Variants in MAF observed in about 807,000 individuals in gnomAD.
MAF encodes transcription factor Maf.
A neutral mutation model predicts 22.0 loss-of-function variants in MAF; 10 were observed. The observed-to-expected ratio is 0.45, with a 90% CI of 0.28 to 0.77. MAF has a LOEUF of 0.77. MAF is among the 30% of genes least tolerant of loss of function. The pLI, the probability that MAF is intolerant of heterozygous loss-of-function variation, is 0.12. For missense variants in MAF, 544 were observed against 548.4 expected, an observed-to-expected ratio of 0.99 and a Z score of 0.08; for synonymous variants, 337 against 255.8, an observed-to-expected ratio of 1.32 and a Z score of -3.03.
chr16:79,368,715 G>A, the MAF span, among the ~76,000 whole-genome samples: 30 of 152,176 alleles, frequency 2.0e-4, no homozygotes, highest in African/African-American at 7.2e-4. Context: ...TATATTTCTG[G>A]AATGTGTTGC....
the MAF span, among the ~76,000 whole-genome samples, chr16:79,260,546 G>C: frequency 1.6e-3 from 245 of 150,670 alleles, 1 homozygote; most frequent in Non-Finnish European, 2.7e-3. Flanking sequence ...AACACTATGA[G>C]AGCAGGGATT....
the MAF span, among the ~76,000 whole-genome samples, chr16:79,545,369 T>G: frequency 6.6e-6 from 1 of 152,014 alleles, no homozygotes. Flanking sequence ...AAAACGACAA[T>G]GCAAGGTTCC....
chr16:79,411,269 C>T, the MAF span, among the ~76,000 whole-genome samples: 1 of 152,204 alleles, frequency 6.6e-6, no homozygotes, highest in African/African-American at 2.4e-5. Flanking sequence ...AAGACAGGTG[C>T]TCAGTAAATA....
At chr16:79,353,255 A>G in the MAF span, among the ~76,000 whole-genome samples, 13 of 151,996 alleles carry the variant, frequency 8.6e-5, no homozygotes, top group Non-Finnish European at 1.8e-4. Flanking sequence ...CTGCCTCCCA[A>G]GTAGCTGGGA....
chr16:79,227,853 G>C, the MAF span, among the ~76,000 whole-genome samples: 16 of 152,212 alleles, frequency 1.1e-4, no homozygotes, highest in Non-Finnish European at 7.4e-5. Context: ...TGAGTGGAGA[G>C]AAATCCTGGG....
chr16:79,452,003 G>GC, the MAF span, among the ~76,000 whole-genome samples: 1 of 5,214 alleles, frequency 1.9e-4, no homozygotes, highest in South Asian at 0.01. Flanking sequence ...AGGTTGACCT[G>GC]GGGCCAAATC....
At chr16:79,468,765 G>C in the MAF span, among the ~76,000 whole-genome samples, 1 of 152,138 alleles carries the variant, frequency 6.6e-6, no homozygotes, top group African/African-American at 2.4e-5. Context: ...GATAATCCAG[G>C]GGGCAGAAAA....
chr16:79,342,447 T>A, the MAF span, among the ~76,000 whole-genome samples: 1 of 152,198 alleles, frequency 6.6e-6, no homozygotes, highest in Non-Finnish European at 1.5e-5. Flanking sequence ...TCCAAAACTT[T>A]CTGAGCCTTT....
At chr16:79,224,152 C>G in the MAF span, among the ~76,000 whole-genome samples, 1 of 152,158 alleles carries the variant, frequency 6.6e-6, no homozygotes, top group Non-Finnish European at 1.5e-5. Context: ...CATCAAAAAG[C>G]TTATGCACCA....
the MAF span, among the ~76,000 whole-genome samples, chr16:79,528,843 G>A: frequency 2.0e-5 from 3 of 152,164 alleles, no homozygotes; most frequent in Non-Finnish European, 4.4e-5. Flanking sequence ...TCTCAGAAAT[G>A]TGGAGATTTC....
At chr16:79,507,412 A>C in the MAF span, among the ~76,000 whole-genome samples, 5 of 141,664 alleles carry the variant, frequency 3.5e-5, no homozygotes, top group African/African-American at 8.0e-5. Flanking sequence ...CACCAAGCCC[A>C]GCCCTTGCAT....
At chr16:79,320,890 T>C in the MAF span, among the ~76,000 whole-genome samples, 1 of 152,190 alleles carries the variant, frequency 6.6e-6, no homozygotes, top group Admixed American at 6.5e-5. Flanking sequence ...TGTTTTTATT[T>C]TCCTTTTAAA....
the MAF span, among the ~76,000 whole-genome samples, chr16:79,374,247 G>C: frequency 6.6e-6 from 1 of 152,158 alleles, no homozygotes; most frequent in Non-Finnish European, 1.5e-5. Context: ...TGCATAACCA[G>C]TTGGAATTAA....
chr16:79,218,356 G>C, the MAF span, among the ~76,000 whole-genome samples: 329 of 152,182 alleles, frequency 2.2e-3, no homozygotes, highest in African/African-American at 7.5e-3. Flanking sequence ...GGGACATTTA[G>C]GTTATTTCTA....
the MAF span, among the ~76,000 whole-genome samples, chr16:79,427,390 G>A: frequency 6.6e-6 from 1 of 152,218 alleles, no homozygotes; most frequent in African/African-American, 2.4e-5. Flanking sequence ...GGCTTGAACA[G>A]CCCCATTCAT....
chr16:79,333,486 T>C, the MAF span, among the ~76,000 whole-genome samples: 42 of 152,240 alleles, frequency 2.8e-4, no homozygotes, highest in African/African-American at 7.7e-4. Flanking sequence ...GAGGTGCCCA[T>C]AGGATGTGCC....
the MAF span, among the ~76,000 whole-genome samples, chr16:79,247,894 C>G: frequency 3.9e-5 from 6 of 152,148 alleles, no homozygotes; most frequent in African/African-American, 1.4e-4. Flanking sequence ...CTGTAAAATT[C>G]TGGAATGAGT....
At chr16:79,387,106 T>C in the MAF span, among the ~76,000 whole-genome samples, 33 of 152,336 alleles carry the variant, frequency 2.2e-4, no homozygotes, top group East Asian at 5.2e-3. Flanking sequence ...TATTATCTTC[T>C]ATTAAAGTAA....
At chr16:79,484,887 C>G in the MAF span, among the ~76,000 whole-genome samples, 1 of 152,226 alleles carries the variant, frequency 6.6e-6, no homozygotes, top group Non-Finnish European at 1.5e-5. Context: ...CTCCCAGCAG[C>G]ATCAAGCATG....
Sources: allele counts gnomAD v4.1 joint callset (sites outside exome capture counted in the v4.1 genomes callset), GRCh38; gene constraint gnomAD v4.1.1; transcripts MANE v1.5; gene names NCBI Gene and HGNC (gene_info 2026-07-23, HGNC 2026-07-21).